The following PCDHA4 variants were observed in gnomAD, a reference collection of about 807,000 sequenced individuals.
The protein encoded by PCDHA4 is protocadherin alpha 4, also known as protocadherin alpha-4.
In PCDHA4, 49 loss-of-function variants were observed where a neutral mutation model predicts 61.4. The ratio of observed to expected loss-of-function variants is 0.80; its 90% CI spans 0.63 to 1.01. The LOEUF is 1.01. PCDHA4 is among the 50% of genes least tolerant of loss of function. PCDHA4 has a pLI of 0.00. For synonymous variants in PCDHA4, 590 were observed against 550.3 expected, an observed-to-expected ratio of 1.07 and a Z score of -1.01; for missense variants, 1,254 against 1,235.8, an observed-to-expected ratio of 1.01 and a Z score of -0.22.
In PCDHA4 at chr5:140,936,310, T is replaced by C. The variant is rs541948860; in HGVS notation, c.2386-42639T>C. 5.3e-5 allele frequency among the ~76,000 whole-genome samples: 8 copies of C among 152,318 alleles called. No individual in the cohort carries two copies. The South Asian group carries it at 1.4e-3, about 28-fold the overall frequency. ...TATAACATTGCTATCCAATAGAACT[T>C]TCTGACATGCTATAAATTTTCTCTA... On this transcript the variant is annotated intron_variant, in intron 1 of 3. Transcript: ENST00000530339.
rs140697336 is a variant in PCDHA4 at position 140,835,530 on chromosome 5, G to C, written c.2385+25958G>C. On this transcript the variant is annotated intron_variant, in intron 1 of 3. Transcript: ENST00000530339. ...GTTTGACCGAGATTTTGGAGTCAAC[G>C]GACAGGTTACCTGCTCCCTGACGCC... 1.3e-4 allele frequency: 204 copies of C among 1,613,820 alleles called. 2 individuals carry two copies. The highest frequency in any genetic ancestry group is 2.2e-4 in the Admixed American group (13 of 59,990).
rs868938085 is a variant in PCDHA4, at chr5:140,882,236, T to C, written c.2385+72664T>C. On this transcript the variant is annotated intron_variant, in intron 1 of 3. Coordinates refer to ENST00000530339, the MANE Select transcript of PCDHA4 (RefSeq NM_018907.4). ...AGTTTGAGGTAAGGCGTTGTATATA[T>C]TGCAGATAGCTCTGAGGTTTTTGGA... 7.6e-6 allele frequency: 12 copies of C among 1,581,516 alleles called. 1 individual carries two copies. The Middle Eastern group carries it at 1.0e-3, about 134-fold the overall frequency.
chr5:140,967,508 C>G (rs2096150874), intron 1 of PCDHA4: 2 of 1,612,712 alleles, frequency 1.2e-6, no homozygotes, highest in Non-Finnish European at 1.7e-6. Flanking sequence ...TGTGCGTGTC[C>G]TGGACACTAA....
intron 1 of PCDHA4, among the ~76,000 whole-genome samples, chr5:140,873,191 C>G (rs1554166611): frequency 6.6e-6 from 1 of 151,960 alleles, no homozygotes; most frequent in Non-Finnish European, 1.5e-5. Flanking sequence ...TATTCATTGG[C>G]TAAAAACATT....
rs1031755500 is a variant in PCDHA4 at position 140,856,096 on chromosome 5, G to T, written c.2385+46524G>T. ...TGGGGGTCCAGTGTCTGCTGCTCTC[G>T]CTTCTTCTCCTCGCAGCCTGGGAGG... On this transcript the variant is annotated intron_variant, in intron 1 of 3. Transcript: ENST00000530339. 7 of 1,597,458 alleles carry T rather than the reference G, an allele frequency of 4.4e-6. 1 individual carries two copies. The highest frequency in any genetic ancestry group is 6.0e-6 in the Non-Finnish European group (7 of 1,167,222).
chr5:140,832,005 A>G (rs1440445717), intron 1 of PCDHA4, among the ~76,000 whole-genome samples: 2 of 152,164 alleles, frequency 1.3e-5, no homozygotes, highest in African/African-American at 4.8e-5. Context: ...TATTGTTTTC[A>G]TTTTACGTAA....
In PCDHA4 at chr5:140,876,844, C is replaced by A. The variant is rs200154646; in HGVS notation, c.2385+67272C>A. ...CGACAATGCGCCTGCGTTCGCGCAGCCCGAGTACACAGTGTTCGTGAAGGA... is the reference window on the plus strand; with the variant it reads ...CGACAATGCGCCTGCGTTCGCGCAGACCGAGTACACAGTGTTCGTGAAGGA... On this transcript the variant is annotated intron_variant, in intron 1 of 3. Coordinates refer to ENST00000530339, the MANE Select transcript of PCDHA4 (RefSeq NM_018907.4). The A allele has an allele frequency of 3.6e-5, 58 of 1,614,134 alleles. No homozygotes were observed. In the East Asian group the frequency reaches 1.2e-3, roughly 32 times the overall value.
chr5:140,877,707 G>A, intron 1 of PCDHA4: 2 of 1,614,062 alleles, frequency 1.2e-6, no homozygotes, highest in Non-Finnish European at 1.7e-6. Flanking sequence ...CCAGCGCCGT[G>A]GGGAGTTGGT....
chr5:140,931,047 C>G (rs969815598), intron 1 of PCDHA4, among the ~76,000 whole-genome samples: 5 of 152,166 alleles, frequency 3.3e-5, no homozygotes, highest in African/African-American at 9.6e-5. Context: ...AGAAAAACTT[C>G]AATGCTGTGT....
At chr5:140,875,412 A>G in intron 1 of PCDHA4, 4 of 1,505,550 alleles carry the variant, frequency 2.7e-6, no homozygotes, top group Non-Finnish European at 3.5e-6. Context: ...CTCATAAAAT[A>G]CCTCAGGCAA....
rs59860837 is a variant in PCDHA4 at position 141,005,701 on chromosome 5, C to CAAAAA, written c.2534-3900_2534-3896dup. 5.2e-3 allele frequency among the ~76,000 whole-genome samples: 40 copies of CAAAAA among 7,764 alleles called. 2 individuals are homozygous for CAAAAA. Among genetic ancestry groups the CAAAAA allele is most frequent in the East Asian group, 0.013 (4 of 312 alleles). The allele number at this position is 7,764 out of a possible 152,430, so 5.1% of individuals were successfully genotyped here. On this transcript the variant is annotated intron_variant, in intron 3 of 3. Coordinates refer to ENST00000530339, the MANE Select transcript of PCDHA4 (RefSeq NM_018907.4). ...TGGGCGACAGAGCGAAACTCCGTCT[C>CAAAAA]AAAAAAAAAAAAAAAAAAAAAAAAA...
At chr5:140,903,675 A>G (rs1554191078) in intron 1 of PCDHA4, among the ~76,000 whole-genome samples, 2 of 152,244 alleles carry the variant, frequency 1.3e-5, no homozygotes, top group Non-Finnish European at 2.9e-5. Flanking sequence ...GATATAAAAG[A>G]TGTTTGGTAA....
chr5:140,890,724 CT>C (rs2062771629), intron 1 of PCDHA4, among the ~76,000 whole-genome samples: 2 of 152,108 alleles, frequency 1.3e-5, no homozygotes, highest in African/African-American at 2.4e-5. Context: ...TTTTTAATCC[CT>C]TTTGACTTAT....
chr5:140,882,309 T>C (rs745321942), intron 1 of PCDHA4: 1 of 1,614,090 alleles, frequency 6.2e-7, no homozygotes, highest in Non-Finnish European at 8.5e-7. Flanking sequence ...CCGCGGCAAC[T>C]ACTGCTCTGG....
At chr5:140,930,184 G>A (rs2153603505) in intron 1 of PCDHA4, 1 of 152,258 alleles carries the variant, frequency 6.6e-6, no homozygotes, top group South Asian at 2.1e-4. Context: ...GGAAAGATGA[G>A]TAATTTTTAT....
intron 3 of PCDHA4, among the ~76,000 whole-genome samples, chr5:141,005,531 G>A (rs1441846175): frequency 1.3e-5 from 2 of 151,072 alleles, no homozygotes; most frequent in African/African-American, 4.9e-5. Context: ...GTGAAACCCC[G>A]TCTCTACTAA....
intron 1 of PCDHA4, chr5:140,834,206 C>G: frequency 1.6e-6 from 1 of 620,932 alleles, no homozygotes; most frequent in African/African-American, 1.8e-5. Flanking sequence ...ACCGCAAATT[C>G]TTTCGTAATC....
rs2098420479 is a variant in PCDHA4, at chr5:141,011,408, T to TAC, written c.*1472_*1473insCA. 6.5e-6 allele frequency: 1 copy of TAC among 153,814 alleles called. No individual in the cohort carries two copies. The highest frequency in any genetic ancestry group is 2.4e-5 in the African/African-American group (1 of 41,476). 9.5% of individuals were successfully genotyped at this position (153,814 alleles called of 1,614,324 possible). ...GAAATATACTTACTCTGTGCTTGTG[T>TAC]ATGTGAATGTTAATGCAACTATTAC... On this transcript the variant is annotated 3_prime_UTR_variant, in exon 4 of 4. Coordinates refer to ENST00000530339, the MANE Select transcript of PCDHA4 (RefSeq NM_018907.4).
chr5:140,885,480 A>G (rs782437070), intron 1 of PCDHA4, among the ~76,000 whole-genome samples: 7 of 152,158 alleles, frequency 4.6e-5, no homozygotes, highest in Non-Finnish European at 7.4e-5. Context: ...ACTTTGTGTC[A>G]AGTGTTCTGT....
Sources: gnomAD v4.1 joint callset for allele counts (sites outside exome capture counted in the v4.1 genomes callset) on GRCh38, gnomAD v4.1.1 for gene constraint, MANE v1.5 for transcripts, NCBI Gene and HGNC (gene_info 2026-07-23, HGNC 2026-07-21) for gene names.